The following LRP1B variants were observed in gnomAD, a reference collection of about 807,000 sequenced individuals.
LRP1B encodes low-density lipoprotein receptor-related protein 1B.
A neutral mutation model predicts 556.6 loss-of-function variants in LRP1B; 217 were observed. That is an observed-to-expected ratio of 0.39 (90% CI 0.35 to 0.44). The LOEUF is 0.44. Ranked by LOEUF, LRP1B falls within the 20% of genes least tolerant of loss-of-function variation. LRP1B has a pLI of 1.00. For missense variants in LRP1B, 5,053 were observed against 5,620.8 expected (o/e 0.90, Z 3.23); for synonymous variants, 2,047 against 1,865.8 (o/e 1.10, Z -2.50).
chr2:141,187,381 C>T (rs1443847144), intron 7 of LRP1B, among the ~76,000 whole-genome samples: 1 of 152,050 alleles, frequency 6.6e-6, no homozygotes, highest in Non-Finnish European at 1.5e-5. Context: ...GCTGTTTCTT[C>T]AGTAAATATT....
intron 20 of LRP1B, among the ~76,000 whole-genome samples, chr2:140,932,739 C>T (rs1190281917): frequency 6.6e-6 from 1 of 150,492 alleles, no homozygotes; most frequent in African/African-American, 2.5e-5. Flanking sequence ...ACTAGCAGGG[C>T]ATGGTGGCAT....
intron 11 of LRP1B, among the ~76,000 whole-genome samples, chr2:141,043,868 C>T (rs527297988): frequency 1.3e-5 from 2 of 151,994 alleles, no homozygotes; most frequent in African/African-American, 2.4e-5. Context: ...AGATTCAATG[C>T]CATCCCCATC....
At chr2:141,979,794 T>G (rs948703391) in intron 1 of LRP1B, among the ~76,000 whole-genome samples, 5 of 152,112 alleles carry the variant, frequency 3.3e-5, no homozygotes, top group Non-Finnish European at 7.4e-5. Flanking sequence ...GCCTCAGAAC[T>G]GCTTACCAAA....
intron 1 of LRP1B, among the ~76,000 whole-genome samples, chr2:142,059,439 T>G (rs1704813706): frequency 6.6e-6 from 1 of 152,140 alleles, no homozygotes; most frequent in African/African-American, 2.4e-5. Context: ...ACCATACTAA[T>G]TGACAAAATG....
intron 2 of LRP1B, among the ~76,000 whole-genome samples, chr2:141,758,839 C>G (rs1694418076): frequency 1.3e-5 from 2 of 152,016 alleles, no homozygotes; most frequent in South Asian, 4.1e-4. Context: ...AAGAAAAGTA[C>G]TAAATACTCC....
intron 4 of LRP1B, among the ~76,000 whole-genome samples, chr2:141,251,962 C>A (rs1473535462): frequency 6.6e-6 from 1 of 152,070 alleles, no homozygotes. Flanking sequence ...CCTGAGCATA[C>A]TTCCAAACCC....
At chr2:141,897,560 T>A (rs983315356) in intron 1 of LRP1B, among the ~76,000 whole-genome samples, 1 of 152,298 alleles carries the variant, frequency 6.6e-6, no homozygotes, top group African/African-American at 2.4e-5. Context: ...GTGACAGCTC[T>A]GTATTAGCCC....
intron 2 of LRP1B, among the ~76,000 whole-genome samples, chr2:141,665,592 A>C (rs1574215174): frequency 6.6e-6 from 1 of 152,210 alleles, no homozygotes. Flanking sequence ...TGCCCAAAGG[A>C]ATATAAATCA....
intron 1 of LRP1B, among the ~76,000 whole-genome samples, chr2:142,006,316 G>A (rs1265889773): frequency 1.3e-5 from 2 of 152,076 alleles, no homozygotes; most frequent in African/African-American, 2.4e-5. Flanking sequence ...AAAACATTCT[G>A]GAAAACAGCA....
chr2:140,541,974 G>A lies in LRP1B; in HGVS notation c.7195-3C>T, dbSNP rs2105021333. 6.3e-7 allele frequency: 1 copy of A among 1,589,202 alleles called. No individual in the cohort carries two copies. Among genetic ancestry groups the A allele is most frequent in the South Asian group, 1.1e-5 (1 of 87,400 alleles). On this transcript the variant is annotated splice_polypyrimidine_tract_variant and splice_region_variant and intron_variant, in intron 43 of 90. Coordinates refer to ENST00000389484, the MANE Select transcript of LRP1B (RefSeq NM_018557.3). ...CCTGGCCCAGATTTAACTATCACCT[G>A]AAATAAATTAAAATACTGTATTTTT...
At chr2:141,598,365 A>G (rs941844607) in intron 2 of LRP1B, among the ~76,000 whole-genome samples, 2 of 152,120 alleles carry the variant, frequency 1.3e-5, no homozygotes, top group African/African-American at 2.4e-5. Context: ...ATAAAATGAC[A>G]TTAATTTTTT....
intron 15 of LRP1B, among the ~76,000 whole-genome samples, chr2:141,003,569 A>G (rs985137192): frequency 1.3e-5 from 2 of 152,052 alleles, no homozygotes; most frequent in African/African-American, 4.8e-5. Context: ...TTTTAAAAAC[A>G]GGGATTTCCC....
intron 2 of LRP1B, among the ~76,000 whole-genome samples, chr2:141,694,349 C>A (rs796900349): frequency 6.6e-6 from 1 of 152,018 alleles, no homozygotes; most frequent in African/African-American, 2.4e-5. Context: ...AGAGAGTCCT[C>A]GGCACATAGG....
chr2:140,816,992 G>A (rs568046054), intron 31 of LRP1B, among the ~76,000 whole-genome samples: 367 of 152,114 alleles, frequency 2.4e-3, no homozygotes, highest in African/African-American at 8.2e-3. Context: ...GAATCACTAG[G>A]CAGTGAACAA....
At chr2:141,409,588 G>A (rs183715059) in intron 3 of LRP1B, among the ~76,000 whole-genome samples, 1 of 152,082 alleles carries the variant, frequency 6.6e-6, no homozygotes, top group Non-Finnish European at 1.5e-5. Flanking sequence ...TCTACTATGT[G>A]GAAAATATGT....
chr2:140,871,122 G>A (rs1481786058), intron 25 of LRP1B, among the ~76,000 whole-genome samples: 1 of 152,132 alleles, frequency 6.6e-6, no homozygotes, highest in East Asian at 1.9e-4. Context: ...TTAAATAGTG[G>A]TAGTGTGTGC....
intron 90 of LRP1B, among the ~76,000 whole-genome samples, chr2:140,234,148 A>G (rs912300527): frequency 6.6e-6 from 1 of 151,306 alleles, no homozygotes; most frequent in Non-Finnish European, 1.5e-5. Context: ...GAGCCATGCA[A>G]TTGAGACAAA....
chr2:142,003,089 C>T (rs1342134010), intron 1 of LRP1B, among the ~76,000 whole-genome samples: 1 of 152,200 alleles, frequency 6.6e-6, no homozygotes, highest in Non-Finnish European at 1.5e-5. Flanking sequence ...GCCAACAAAA[C>T]TACAAACAGG....
At chr2:141,364,902 A>G (rs6732166) in intron 3 of LRP1B, among the ~76,000 whole-genome samples, 1,676 of 152,318 alleles carry the variant, frequency 0.011, 36 homozygotes, top group African/African-American at 0.038. Context: ...ATTTCCAGTT[A>G]CTTAAAAATT....
Sources: allele counts gnomAD v4.1 joint callset (sites outside exome capture counted in the v4.1 genomes callset), GRCh38; gene constraint gnomAD v4.1.1; transcripts MANE v1.5; gene names NCBI Gene and HGNC (gene_info 2026-07-23, HGNC 2026-07-21).